PARP8: variants seen among roughly 807,000 people sequenced by gnomAD.
PARP8 encodes protein mono-ADP-ribosyltransferase PARP8.
Under a neutral mutation model 124.1 loss-of-function variants are expected in PARP8, and 51 were observed. The ratio of observed to expected loss-of-function variants is 0.41; its 90% CI spans 0.33 to 0.52. The LOEUF is 0.52. Ranked by LOEUF, PARP8 falls within the 20% of genes least tolerant of loss-of-function variation. The pLI is 0.21. For missense variants in PARP8, 860 were observed against 1,018.9 expected, an observed-to-expected ratio of 0.84 and a Z score of 2.12; for synonymous variants, 391 against 361.5, an observed-to-expected ratio of 1.08 and a Z score of -0.93.
Position 50,741,722 on chromosome 5 carries a change from G to C in PARP8, c.147-8429G>C, listed in dbSNP as rs1185024670. ...TTATTGAGAAACTAACTTAATGTTTGTTGGGCAAGAGTCTTCATCCTTTTA... is the reference window on the plus strand; with the variant it reads ...TTATTGAGAAACTAACTTAATGTTTCTTGGGCAAGAGTCTTCATCCTTTTA... On this transcript the variant is annotated intron_variant, in intron 2 of 25. Transcript: ENST00000281631. 1.0e-5 allele frequency: 3 copies of C among 297,812 alleles called. No individual in the cohort carries two copies. The Admixed American group carries it at 1.4e-4, about 14-fold the overall frequency. The allele number at this position is 297,812 out of a possible 1,614,324, so 18.4% of individuals were successfully genotyped here.
chr5:50,815,552 T>A, intron 15 of PARP8, 28 bp downstream of exon 15: 1 of 1,520,384 alleles, frequency 6.6e-7, no homozygotes, highest in Non-Finnish European at 8.9e-7. Context: ...TAATTATTTC[T>A]TATTTTGCTT....
Position 50,842,092 on chromosome 5 carries a change from A to G in PARP8, c.*24A>G. 6.6e-7 allele frequency: 1 copy of G among 1,506,148 alleles called. No individual in the cohort carries two copies. The highest frequency in any genetic ancestry group is 9.2e-7 in the Non-Finnish European group (1 of 1,091,928). The allele number at this position is 1,506,148 out of a possible 1,614,324, so 93.3% of individuals were successfully genotyped here. On this transcript the variant is annotated 3_prime_UTR_variant, in exon 26 of 26. Coordinates refer to ENST00000281631, the MANE Select transcript of PARP8 (RefSeq NM_024615.4). ...AAAGGACCACCATTTAATTAACATG[A>G]TTCGAAAGCCTTCCTCGGGTTCAAA...
chr5:50,801,352 G>C (rs1269187070), intron 14 of PARP8, among the ~76,000 whole-genome samples: 1 of 152,040 alleles, frequency 6.6e-6, no homozygotes, highest in Non-Finnish European at 1.5e-5. Flanking sequence ...GCCCACCTCG[G>C]CCTTCCAAAG....
At chr5:50,811,593 G>A (rs146308585) in intron 14 of PARP8, among the ~76,000 whole-genome samples, 1 of 150,766 alleles carries the variant, frequency 6.6e-6, no homozygotes, top group Admixed American at 6.6e-5. Context: ...TTTCCATTGG[G>A]TGTTTTTTTT....
At chr5:50,794,125 G>A in intron 10 of PARP8, 82 bp from the exon 11 acceptor site, 2 of 1,415,488 alleles carry the variant, frequency 1.4e-6, no homozygotes, top group African/African-American at 1.4e-5. Context: ...TTTGATAAAT[G>A]CATTTTCTAC....
chr5:50,698,450 C>T (rs1297718932), intron 2 of PARP8, among the ~76,000 whole-genome samples: 2 of 152,112 alleles, frequency 1.3e-5, no homozygotes, highest in African/African-American at 2.4e-5. Context: ...TTCATATCCC[C>T]TTCTTATTCC....
At chr5:50,745,558 C>T (rs1758452720) in intron 2 of PARP8, among the ~76,000 whole-genome samples, 1 of 152,172 alleles carries the variant, frequency 6.6e-6, no homozygotes, top group African/African-American at 2.4e-5. Flanking sequence ...AGCCTCAAAG[C>T]TGCATTGGAC....
rs1746537004 is a variant in PARP8, at chr5:50,828,056, A to G, written c.2090A>G (p.His697Arg). ...CTCTTTGGAAGCACCTTTGCATTTC[A>G]GTGAGTAAGGCTTAATGTTAATGGG... ...KKLFGSTFAF[H>R]GSHIENWHSI... is the part of the protein sequence containing the mutation. Residue 697 changes from histidine (H) to arginine (R), a missense_variant and splice_region_variant, in exon 20 of 26, where the codon CAT becomes CGT. Physicochemically the swap from His to Arg is conservative, Grantham distance 29 (BLOSUM62 0). Coordinates refer to ENST00000281631, the MANE Select transcript of PARP8 (RefSeq NM_024615.4). 2 of 1,586,490 alleles carry G rather than the reference A, an allele frequency of 1.3e-6. No homozygotes were observed. The highest frequency in any genetic ancestry group is 1.1e-5 in the South Asian group (1 of 90,496).
In PARP8 at chr5:50,774,263, G is replaced by A. The variant is rs183918829; in HGVS notation, c.519-3806G>A. ...TTCTACACAGACACGGTAACAATCT[G>A]ATCTCTCTTCCTTTTCCCCACATTT... On this transcript the variant is annotated intron_variant, in intron 7 of 25. Transcript: ENST00000281631. 2.5e-4 allele frequency among the ~76,000 whole-genome samples: 38 copies of A among 152,066 alleles called. No individual in the cohort carries two copies. In the East Asian group the frequency reaches 6.4e-3, roughly 26 times the overall value.
chr5:50,738,045 C>G (rs2149528943), intron 2 of PARP8, among the ~76,000 whole-genome samples: 2 of 152,172 alleles, frequency 1.3e-5, no homozygotes, highest in South Asian at 4.1e-4. Context: ...TTAGAAATAC[C>G]ATTCTGGAGT....
At chr5:50,799,378 A>T (rs1286860073) in intron 14 of PARP8, among the ~76,000 whole-genome samples, 1 of 152,166 alleles carries the variant, frequency 6.6e-6, no homozygotes, top group African/African-American at 2.4e-5. Flanking sequence ...TTGACTATAG[A>T]TGTTTTGGTT....
At chr5:50,748,406 T>G (rs1202574009) in intron 2 of PARP8, among the ~76,000 whole-genome samples, 1 of 152,212 alleles carries the variant, frequency 6.6e-6, no homozygotes, top group Non-Finnish European at 1.5e-5. Context: ...TTTTACTTTT[T>G]AACAGTCGAA....
intron 2 of PARP8, among the ~76,000 whole-genome samples, chr5:50,711,590 A>G (rs1033690744): frequency 1.3e-5 from 2 of 152,140 alleles, no homozygotes; most frequent in African/African-American, 4.8e-5. Flanking sequence ...CTATACTGTG[A>G]GAAACAGAAA....
At chr5:50,671,618 TTA>T (rs1200926507) in intron 2 of PARP8, among the ~76,000 whole-genome samples, 5 of 152,166 alleles carry the variant, frequency 3.3e-5, no homozygotes, top group African/African-American at 1.2e-4. Flanking sequence ...TTTTAGATTT[TTA>T]TGTGTCTATA....
chr5:50,728,018 T>A (rs1174733525), intron 2 of PARP8, among the ~76,000 whole-genome samples: 1 of 152,192 alleles, frequency 6.6e-6, no homozygotes, highest in Non-Finnish European at 1.5e-5. Flanking sequence ...ATCATTTACT[T>A]CATAATTGGT....
chr5:50,761,405 CT>C (rs902467164), intron 5 of PARP8, among the ~76,000 whole-genome samples: 1 of 151,782 alleles, frequency 6.6e-6, no homozygotes, highest in Non-Finnish European at 1.5e-5. Context: ...TTTAAAGTTT[CT>C]TTTTTTTCAT....
chr5:50,841,734 T>C (rs1748202668), intron 25 of PARP8, among the ~76,000 whole-genome samples: 1 of 116,160 alleles, frequency 8.6e-6, no homozygotes, highest in Non-Finnish European at 2.0e-5. Flanking sequence ...CAGTCTTTTA[T>C]GCGGGGATAA....
rs746895874 is a variant in PARP8 at position 50,828,298 on chromosome 5, G to A, written c.2091-14G>A. ...TTTCTGGTTTTGCTTTTTCCTTTCC[G>A]TCTGTTTTTTTAGTGGCTCACACAT... On this transcript the variant is annotated splice_polypyrimidine_tract_variant and intron_variant, in intron 20 of 25. Coordinates refer to ENST00000281631, the MANE Select transcript of PARP8 (RefSeq NM_024615.4). 3.2e-5 allele frequency: 52 copies of A among 1,610,050 alleles called. No homozygotes were observed. The highest frequency in any genetic ancestry group is 2.0e-4 in the East Asian group (9 of 44,836).
chr5:50,753,356 T>C (rs1259684124), intron 3 of PARP8, among the ~76,000 whole-genome samples: 1 of 152,138 alleles, frequency 6.6e-6, no homozygotes, highest in Non-Finnish European at 1.5e-5. Context: ...CTACATGATA[T>C]ACTTGAGCAT....
Sources: allele counts gnomAD v4.1 joint callset (sites outside exome capture counted in the v4.1 genomes callset), GRCh38; gene constraint gnomAD v4.1.1; transcripts MANE v1.5; gene names NCBI Gene and HGNC (gene_info 2026-07-23, HGNC 2026-07-21).